DSPP: variants seen among roughly 807,000 people sequenced by gnomAD.
The protein encoded by DSPP is deafness, autosomal dominant 39.
DSPP carries 28 observed loss-of-function variants against 29.1 expected under a neutral mutation model. That is an observed-to-expected ratio of 0.96 (90% confidence interval 0.71 to 1.32). DSPP has a LOEUF of 1.32. DSPP is among the 40% of genes most tolerant of loss of function. The probability of loss-of-function intolerance (pLI) is 0.00; values close to 1 mark genes in which losing one functional copy is unlikely to be tolerated. For missense variants in DSPP, 1,281 were observed against 1,629.9 expected, an observed-to-expected ratio of 0.79 and a Z score of 3.69; for synonymous variants, 481 against 503.4, an observed-to-expected ratio of 0.96 and a Z score of 0.60.
At position 87,612,434 on chromosome 4, in the gene DSPP, C is replaced by G; in HGVS notation, c.248C>G (p.Ser83Cys). Residue 83 changes from serine to cysteine, a missense_variant, in exon 4 of 5, where the codon TCT (serine) becomes TGT (cysteine). Transcript: ENST00000651931. Reference protein sequence around the residue: ...QDGHKGEGNGSKWAEVGGKSF... With the variant: ...QDGHKGEGNGCKWAEVGGKSF... ...GGTCACAAGGGAGAAGGGAATGGCTCTAAGTGGGCAGAAGTAGGAGGGAAG... is the reference window on the plus strand; with the variant it reads ...GGTCACAAGGGAGAAGGGAATGGCTGTAAGTGGGCAGAAGTAGGAGGGAAG... 1.2e-6 allele frequency: 2 copies of G among 1,613,826 alleles called. No homozygotes were observed. The highest frequency in any genetic ancestry group is 1.7e-6 in the Non-Finnish European group (2 of 1,179,916).
At position 87,616,494 on chromosome 4, in the gene DSPP, G is replaced by T; in HGVS notation, c.3832G>T (p.Gly1278Cys). Residue 1278 changes from glycine to cysteine, a missense_variant, in exon 5 of 5, where the codon GGT becomes TGT. Around this residue, in one of 4 missense-constraint regions of DSPP, gnomAD observed 134 missense variants for 185.0 expected, o/e 0.72. Transcript: ENST00000651931. ...ESDSQSKSGN[G>C]NNNGSDSDSD... ...TGACAGCCAGAGCAAGTCTGGTAAC[G>T]GTAACAACAATGGAAGTGACAGTGA... The T allele has an allele frequency of 6.4e-7, 1 of 1,551,750 alleles. No individual in the cohort carries two copies. The highest frequency in any genetic ancestry group is 8.7e-7 in the Non-Finnish European group (1 of 1,147,000).
chr4:87,610,875 A>C lies in DSPP; in HGVS notation c.-28-6A>C. ...AGTAATTTTGTGCTGTTCCTTTTTT[A>C]TACAGCCATTGATTATTATTATTCC... On this transcript the variant is annotated splice_region_variant and splice_polypyrimidine_tract_variant and intron_variant, in intron 1 of 4. Transcript: ENST00000651931. 6.4e-7 allele frequency: 1 copy of C among 1,572,740 alleles called. No individual in the cohort carries two copies. Among genetic ancestry groups the C allele is most frequent in the Non-Finnish European group, 8.8e-7 (1 of 1,142,578 alleles).
chr4:87,613,153 T>G lies in DSPP; in HGVS notation c.967T>G (p.Ser323Ala). The G allele has an allele frequency of 6.2e-7, 1 of 1,613,996 alleles. No individual in the cohort carries two copies. ...TAATGAAGTTGATGGAGACAAGACC[T>G]CCAAGAGTGAGGAGAATTCTGCTGG... ...PHNEVDGDKT[S>A]KSEENSAGIP... The change falls in exon 4 of 5, where the codon TCC becomes GCC. Residue 323 changes from serine (S) to alanine (A), a missense_variant. Physicochemically the swap from Ser to Ala is moderately conservative, Grantham distance 99. Transcript: ENST00000651931.
At position 87,612,360 on chromosome 4, in the gene DSPP, T is replaced by C; in HGVS notation, c.174T>C (p.Gly58=). 1.2e-6 allele frequency: 2 copies of C among 1,614,090 alleles called. No homozygotes were observed. The highest frequency in any genetic ancestry group is 2.2e-5 in the East Asian group (1 of 44,872). Residue 58 remains glycine, a synonymous_variant, in exon 4 of 5, where the codon GGT becomes GGC. Transcript: ENST00000651931. Reference sequence around the variant, plus strand: ...CCAGTGGAACCATCAAAGAAAGTGGTGTCCTGGTGCATGAAGGTGATAGAG... The same window carrying C: ...CCAGTGGAACCATCAAAGAAAGTGGCGTCCTGGTGCATGAAGGTGATAGAG... ...LNASGTIKES[G]VLVHEGDRGR...
chr4:87,610,355 C>A (rs915026888), intron 1 of DSPP, among the ~76,000 whole-genome samples: 2 of 152,146 alleles, frequency 1.3e-5, no homozygotes, highest in Non-Finnish European at 2.9e-5. Context: ...ATTTCTCAAG[C>A]TTACACAGCA....
chr4:87,613,689 C>T, intron 4 of DSPP, 96 bp from the exon 5 acceptor site: 1 of 1,555,512 alleles, frequency 6.4e-7, no homozygotes, highest in East Asian at 2.2e-5. Flanking sequence ...AACTCCTATC[C>T]CTATGGCAAC....
rs1560477294 is a variant in DSPP at position 87,611,500 on chromosome 4, TA to T, written c.51+547del. Among the ~76,000 whole-genome samples, 3 of 152,122 alleles carry T rather than the reference TA, an allele frequency of 2.0e-5. No individual in the cohort carries two copies. In the South Asian group the frequency reaches 6.2e-4, roughly 32 times the overall value. On this transcript the variant is annotated intron_variant, in intron 2 of 4. Transcript: ENST00000651931. ...ATTTGGAATATATGATGAAAACCAA[TA>T]AAAAATTGAGAAAATTCAACCATTT...
intron 1 of DSPP, among the ~76,000 whole-genome samples, chr4:87,609,767 T>A (rs1727700775): frequency 6.6e-6 from 1 of 152,208 alleles, no homozygotes; most frequent in Non-Finnish European, 1.5e-5. Flanking sequence ...TGGTGGGAGT[T>A]CATGAAATAG....
chr4:87,612,741 A>T lies in DSPP; in HGVS notation c.555A>T (p.Gln185His), dbSNP rs750712069. 1.9e-6 allele frequency: 3 copies of T among 1,614,098 alleles called. No homozygotes were observed. ...CTGTTGTCCAAGAAGATGGACCTCA[A>T]GTAGCTGGAAGCAATAACAGTACAG... ...DVAVVQEDGP[Q>H]VAGSNNSTDN... The change falls in exon 4 of 5, where the codon CAA (glutamine) becomes CAT (histidine). Residue 185 changes from glutamine to histidine, a missense_variant. Transcript: ENST00000651931.
In DSPP at chr4:87,616,485, T is replaced by A. The variant is rs1324425429; in HGVS notation, c.3823T>A (p.Ser1275Thr). 2 of 1,551,678 alleles carry A rather than the reference T, an allele frequency of 1.3e-6. No homozygotes were observed. The highest frequency in any genetic ancestry group is 3.9e-5 in the Admixed American group (2 of 51,008). Residue 1275 changes from serine (S) to threonine (T), a missense_variant, in exon 5 of 5, where the codon TCT (serine) becomes ACT (threonine). This residue lies in a region of DSPP where 134 missense variants were observed against 185.0 expected (regional missense o/e 0.72). Coordinates refer to ENST00000651931, the MANE Select transcript of DSPP (RefSeq NM_014208.3). ...SNDESDSQSK[S>T]GNGNNNGSDS... ...TGATGAGAGTGACAGCCAGAGCAAG[T>A]CTGGTAACGGTAACAACAATGGAAG...
intron 2 of DSPP, 72 bp downstream of exon 2, chr4:87,611,031 GT>G (rs35536909): frequency 2.9e-6 from 1 of 345,366 alleles, no homozygotes; most frequent in Non-Finnish European, 4.2e-6. Context: ...ACAAAATGTA[GT>G]GTGTGTGTGT....
rs1480536666 is a variant in DSPP at position 87,615,010 on chromosome 4, G to T, written c.2348G>T (p.Ser783Ile). Residue 783 changes from serine (S) to isoleucine (I), a missense_variant, in exon 5 of 5, where the codon AGT (serine) becomes ATT (isoleucine). By Grantham distance (142) the Ser-to-Ile change is moderately radical. Transcript: ENST00000651931. Reference protein sequence around the residue: ...SSDSSDSSNSSDSNDSSNSSD... With the variant: ...SSDSSDSSNSIDSNDSSNSSD... ...GATAGTAGTGACAGCAGCAACAGCAGTGATAGCAACGACAGCAGCAATAGC... is the reference window on the plus strand; with the variant it reads ...GATAGTAGTGACAGCAGCAACAGCATTGATAGCAACGACAGCAGCAATAGC... 1.3e-6 allele frequency: 2 copies of T among 1,550,952 alleles called. No homozygotes were observed. The highest frequency in any genetic ancestry group is 1.7e-6 in the Non-Finnish European group (2 of 1,146,778).
rs922079816 is a variant in DSPP at position 87,608,603 on chromosome 4, C to T, written c.-46C>T. The T allele has an allele frequency of 6.6e-6, 1 of 152,146 alleles. No individual in the cohort carries two copies. The highest frequency in any genetic ancestry group is 2.4e-5 in the African/African-American group (1 of 41,428). The allele number at this position is 152,146 out of a possible 1,614,324, so 9.4% of individuals were successfully genotyped here. A position where few individuals can be genotyped will look rare whatever the true frequency, so the allele number is the denominator to read the frequency against. ...TAAGAAATTCTGGATTTTCAAAATC[C>T]TTTTGAAGCCTTTTAAGGTAAGATG... On this transcript the variant is annotated 5_prime_UTR_variant, in exon 1 of 5. Coordinates refer to ENST00000651931, the MANE Select transcript of DSPP (RefSeq NM_014208.3).
In DSPP at chr4:87,615,011, TGATAGCAAC is replaced by T. The variant is rs1727839800; in HGVS notation, c.2352_2360del (p.Asn786_Ser788del). The T allele has an allele frequency of 6.5e-7, 1 of 1,548,508 alleles. No individual in the cohort carries two copies. Among genetic ancestry groups the T allele is most frequent in the African/African-American group, 1.4e-5 (1 of 71,840 alleles). On this transcript the variant is annotated inframe_deletion, in exon 5 of 5. Coordinates refer to ENST00000651931, the MANE Select transcript of DSPP (RefSeq NM_014208.3). Reference sequence around the variant, plus strand: ...ATAGTAGTGACAGCAGCAACAGCAGTGATAGCAACGACAGCAGCAATAGCAGTGACAGCA... The same window carrying T: ...ATAGTAGTGACAGCAGCAACAGCAGTGACAGCAGCAATAGCAGTGACAGCA...
rs757947720 is a variant in DSPP, at chr4:87,614,290, G to A, written c.1628G>A (p.Gly543Asp). ...GATGACAATGACAAATCAGACAGTG[G>A]CAAAGGTAAATCAGATAGCAGTGAC... ...GNDDNDKSDS[G>D]KGKSDSSDSD... is the part of the protein sequence containing the mutation. The change falls in exon 5 of 5, where the codon GGC becomes GAC. Residue 543 changes from glycine (G) to aspartate (D), a missense_variant. Physicochemically the swap from Gly to Asp is moderately conservative, Grantham distance 94. Coordinates refer to ENST00000651931, the MANE Select transcript of DSPP (RefSeq NM_014208.3). The A allele has an allele frequency of 5.0e-6, 8 of 1,613,922 alleles. No homozygotes were observed. Among genetic ancestry groups the A allele is most frequent in the Non-Finnish European group, 5.9e-6 (7 of 1,179,940 alleles).
Position 87,612,537 on chromosome 4 carries a change from A to C in DSPP, c.351A>C (p.Glu117Asp), listed in dbSNP as rs1727755729. Residue 117 changes from glutamate to aspartate, a missense_variant, in exon 4 of 5, where the codon GAA (glutamate) becomes GAC (aspartate). Glu to Asp is a conservative substitution (Grantham distance 45). Transcript: ENST00000651931. Reference protein sequence around the residue: ...EGWNGDTGKAETYGHDGIHGK... With the variant: ...EGWNGDTGKADTYGHDGIHGK... ...GGAATGGGGACACAGGAAAAGCAGA[A>C]ACATATGGTCATGATGGAATACATG... 6.2e-7 allele frequency: 1 copy of C among 1,614,106 alleles called. No homozygotes were observed. Among genetic ancestry groups the C allele is most frequent in the Non-Finnish European group, 8.5e-7 (1 of 1,179,960 alleles).
rs899507020 is a variant in DSPP, at chr4:87,608,612, C to T, written c.-37C>T. The T allele has an allele frequency of 6.6e-6, 1 of 152,138 alleles. No individual in the cohort carries two copies. Among genetic ancestry groups the T allele is most frequent in the African/African-American group, 2.4e-5 (1 of 41,436 alleles). The allele number at this position is 152,138 out of a possible 1,614,324, so 9.4% of individuals were successfully genotyped here. A position where few individuals can be genotyped will look rare whatever the true frequency, so the allele number is the denominator to read the frequency against. On this transcript the variant is annotated 5_prime_UTR_variant, in exon 1 of 5. Coordinates refer to ENST00000651931, the MANE Select transcript of DSPP (RefSeq NM_014208.3). ...CTGGATTTTCAAAATCCTTTTGAAG[C>T]CTTTTAAGGTAAGATGAAATATCCT...
Position 87,614,241 on chromosome 4 carries a change from A to C in DSPP, c.1579A>C (p.Asn527His), listed in dbSNP as rs766567353. 6.2e-7 allele frequency: 1 copy of C among 1,614,288 alleles called. No homozygotes were observed. Among genetic ancestry groups the C allele is most frequent in the South Asian group, 1.1e-5 (1 of 91,088 alleles). The stretch of plus-strand genomic sequence containing the variant: ...ATCAGACACTAATAATAGTGACAGT[A>C]ATGGCAATGGTAACAATGGGAATGA... ...STSDTNNSDS[N>H]GNGNNGNDDN... Residue 527 changes from asparagine (N) to histidine (H), a missense_variant, in exon 5 of 5, where the codon AAT becomes CAT. This residue lies in a region of DSPP where 631 missense variants were observed against 643.2 expected (regional missense o/e 0.98). Transcript: ENST00000651931.
At position 87,612,895 on chromosome 4, in the gene DSPP, G is replaced by C; in HGVS notation, c.709G>C (p.Ala237Pro). 2 of 1,614,154 alleles carry C rather than the reference G, an allele frequency of 1.2e-6. No individual in the cohort carries two copies. Among genetic ancestry groups the C allele is most frequent in the East Asian group, 4.5e-5 (2 of 44,882 alleles). ...GGTAACACCAGGCACTGGAGAAGAT[G>C]CTGGCCTGGATAATTCCGATGGGAG... ...AEVTPGTGED[A>P]GLDNSDGSPS... The change falls in exon 4 of 5, where the codon GCT (alanine) becomes CCT (proline). Residue 237 changes from alanine (A) to proline (P), a missense_variant. By Grantham distance (27) the Ala-to-Pro change is conservative. Around this residue, in one of 4 missense-constraint regions of DSPP, gnomAD observed 631 missense variants for 643.2 expected, o/e 0.98. Transcript: ENST00000651931.
Sources: gnomAD v4.1 joint callset for allele counts (sites outside exome capture counted in the v4.1 genomes callset) on GRCh38, gnomAD v4.1.1 for gene constraint, gnomAD v4.1.1 regional missense constraint, MANE v1.5 for transcripts, NCBI Gene and HGNC (gene_info 2026-07-23, HGNC 2026-07-21) for gene names.